The following VPS41 variants were observed in gnomAD, a reference collection of about 807,000 sequenced individuals.
VPS41 encodes VPS41 subunit of HOPS complex, also known as vacuolar protein sorting-associated protein 41 homolog.
A neutral mutation model predicts 130.9 loss-of-function variants in VPS41; 85 were observed. The observed-to-expected ratio is 0.65, with a 90% CI of 0.55 to 0.78. VPS41 has a LOEUF of 0.78. Among genes scored for constraint, VPS41 ranks in the 30% least tolerant of loss-of-function variants. The pLI, the probability that VPS41 is intolerant of heterozygous loss-of-function variation, is 0.00. For synonymous variants in VPS41, 335 were observed against 332.9 expected (o/e 1.01, Z -0.07); for missense variants, 874 against 1,018.7 (o/e 0.86, Z 1.93).
intron 25 of VPS41, among the ~76,000 whole-genome samples, chr7:38,739,579 G>A (rs1795843026): frequency 6.6e-6 from 1 of 152,146 alleles, no homozygotes; most frequent in Admixed American, 6.6e-5. Context: ...TTATCTGTGA[G>A]GGAAAAATAA....
At chr7:38,771,891 GA>G (rs1005792988) in intron 13 of VPS41, among the ~76,000 whole-genome samples, 67 of 150,182 alleles carry the variant, frequency 4.5e-4, no homozygotes, top group African/African-American at 9.5e-4. Flanking sequence ...GTTTATAAAT[GA>G]AAAAAAAAAT....
intron 25 of VPS41, among the ~76,000 whole-genome samples, chr7:38,736,735 A>ACT (rs1416772974): frequency 3.3e-5 from 5 of 152,238 alleles, no homozygotes; most frequent in Non-Finnish European, 7.3e-5. Flanking sequence ...CTTCACAGAC[A>ACT]CTGCTAGAAT....
chr7:38,828,218 A>T (rs1349084141), intron 5 of VPS41, among the ~76,000 whole-genome samples: 1 of 152,142 alleles, frequency 6.6e-6, no homozygotes, highest in East Asian at 1.9e-4. Context: ...TTCTAGAAAC[A>T]TATGCCAGTA....
chr7:38,756,806 A>C (rs761560687), intron 19 of VPS41, 32 bp downstream of exon 19: 1 of 1,399,212 alleles, frequency 7.1e-7, no homozygotes, highest in Admixed American at 2.2e-5. Context: ...TAGTAAAAAT[A>C]ATTGACAGTA....
At chr7:38,803,501 A>G (rs1784775630) in intron 7 of VPS41, among the ~76,000 whole-genome samples, 1 of 152,264 alleles carries the variant, frequency 6.6e-6, no homozygotes. Flanking sequence ...TTCACAAAGG[A>G]GGACCTGTGC....
At position 38,731,682 on chromosome 7, in the gene VPS41, C is replaced by T. The variant is rs1484272342; in HGVS notation, c.2260-2891G>A. Among the ~76,000 whole-genome samples the T allele has an allele frequency of 2.0e-5, 3 of 152,224 alleles. No homozygotes were observed. The East Asian group carries it at 5.8e-4, about 29-fold the overall frequency. ...AGGGCACATGCACACTCTTCTGTTA[C>T]TCAGGTTTCGATGACCAGAATGGCA... On this transcript the variant is annotated intron_variant, in intron 25 of 28. Coordinates refer to ENST00000310301, the MANE Select transcript of VPS41 (RefSeq NM_014396.4).
intron 2 of VPS41, among the ~76,000 whole-genome samples, chr7:38,876,213 C>G (rs1422737124): frequency 6.6e-6 from 1 of 152,088 alleles, no homozygotes; most frequent in Non-Finnish European, 1.5e-5. Flanking sequence ...GTGCCAGTAG[C>G]CCCAAGGTTG....
chr7:38,734,847 A>G (rs991410145), intron 25 of VPS41, among the ~76,000 whole-genome samples: 1 of 152,184 alleles, frequency 6.6e-6, no homozygotes, highest in Non-Finnish European at 1.5e-5. Context: ...AAAGCCCCCA[A>G]TATGACACAG....
intron 8 of VPS41, 143 bp from the exon 9 acceptor site, chr7:38,795,754 T>C (rs1784606799): frequency 1.5e-6 from 1 of 673,942 alleles, no homozygotes. Flanking sequence ...AAAATGCTCC[T>C]GCTCCACACA....
intron 2 of VPS41, among the ~76,000 whole-genome samples, chr7:38,875,200 G>C (rs1786467330): frequency 6.6e-6 from 1 of 151,940 alleles, no homozygotes; most frequent in Non-Finnish European, 1.5e-5. Flanking sequence ...CGCACAAAAG[G>C]CAACATACAC....
intron 4 of VPS41, among the ~76,000 whole-genome samples, chr7:38,859,252 T>G (rs1186206869): frequency 6.6e-6 from 1 of 152,092 alleles, no homozygotes; most frequent in Non-Finnish European, 1.5e-5. Context: ...GTTTATAAAG[T>G]AAAAAAGTTA....
At chr7:38,773,592 A>G (rs1784196375) in intron 12 of VPS41, among the ~76,000 whole-genome samples, 1 of 152,214 alleles carries the variant, frequency 6.6e-6, no homozygotes. Context: ...TGGTATGACT[A>G]AATATTAATG....
intron 7 of VPS41, 94 bp downstream of exon 7, chr7:38,817,723 A>G: frequency 1.9e-6 from 2 of 1,029,136 alleles, no homozygotes; most frequent in Non-Finnish European, 3.1e-6. Flanking sequence ...CTCCTAATGA[A>G]TAGCCAGACA....
intron 1 of VPS41, among the ~76,000 whole-genome samples, chr7:38,906,042 C>A (rs1214520378): frequency 6.6e-6 from 1 of 151,920 alleles, no homozygotes; most frequent in South Asian, 2.1e-4. Context: ...GTGATCCACC[C>A]GCCTCAGCCT....
intron 2 of VPS41, among the ~76,000 whole-genome samples, chr7:38,888,625 A>G (rs571003284): frequency 3.2e-4 from 49 of 152,288 alleles, no homozygotes; most frequent in African/African-American, 1.2e-3. Flanking sequence ...AACGAGACAG[A>G]AAATTAACAA....
Position 38,821,265 on chromosome 7 carries a change from C to A in VPS41, c.322G>T (p.Val108Leu). The A allele has an allele frequency of 6.2e-7, 1 of 1,612,780 alleles. No homozygotes were observed. The highest frequency in any genetic ancestry group is 8.5e-7 in the Non-Finnish European group (1 of 1,179,058). ...HMGVCSEDGK[V>L]QVFGLYSGEE... ...CCAGAATACAGTCCAAATACCTGCACCTACAAAGAAAATGGATTGTATCAG... is the reference window on the plus strand; with the variant it reads ...CCAGAATACAGTCCAAATACCTGCAACTACAAAGAAAATGGATTGTATCAG... Residue 108 changes from valine (V) to leucine (L), a missense_variant and splice_region_variant, in exon 6 of 29, where the codon GTG becomes TTG. Physicochemically the swap from Val to Leu is conservative, Grantham distance 32. Coordinates refer to ENST00000310301, the MANE Select transcript of VPS41 (RefSeq NM_014396.4).
rs1265102254 is a variant in VPS41 at position 38,898,079 on chromosome 7, T to TC, written c.60+11dup. 1 of 1,613,314 alleles carries TC rather than the reference T, an allele frequency of 6.2e-7. No individual in the cohort carries two copies. Among genetic ancestry groups the TC allele is most frequent in the Admixed American group, 1.7e-5 (1 of 60,018 alleles). ...AGCTACAAATCCGAGGGCTCCTGAG[T>TC]CACCACCTTACCTCAGACTCATCTG... On this transcript the variant is annotated intron_variant, in intron 2 of 28. Transcript: ENST00000310301.
intron 2 of VPS41, among the ~76,000 whole-genome samples, chr7:38,879,482 G>A (rs1467789887): frequency 2.6e-5 from 4 of 152,016 alleles, no homozygotes; most frequent in Non-Finnish European, 5.9e-5. Context: ...TATTTTTGGA[G>A]GAAGTATTCA....
At chr7:38,798,287 A>G (rs561475404) in intron 7 of VPS41, among the ~76,000 whole-genome samples, 23 of 151,982 alleles carry the variant, frequency 1.5e-4, no homozygotes, top group Non-Finnish European at 2.9e-4. Flanking sequence ...AGCTAAAAAC[A>G]ATTATTTTTA....
Sources: gnomAD v4.1 joint callset for allele counts (sites outside exome capture counted in the v4.1 genomes callset) on GRCh38, gnomAD v4.1.1 for gene constraint, MANE v1.5 for transcripts, NCBI Gene and HGNC (gene_info 2026-07-23, HGNC 2026-07-21) for gene names.